CHD1L: variants seen among roughly 807,000 people sequenced by gnomAD.
CHD1L encodes the protein ATP-dependent chromatin remodeler CHD1L.
CHD1L carries 118 observed loss-of-function variants against 115.9 expected under a neutral mutation model. The observed-to-expected ratio is 1.02, with a 90% CI of 0.88 to 1.19. The LOEUF (loss-of-function observed/expected upper bound fraction) is 1.19. CHD1L is among the 50% of genes most tolerant of loss of function. CHD1L has a pLI of 0.00. For synonymous variants in CHD1L, 411 were observed against 387.1 expected, an observed-to-expected ratio of 1.06 and a Z score of -0.72; for missense variants, 1,179 against 1,065.3, an observed-to-expected ratio of 1.11 and a Z score of -1.49.
At chr1:147,284,921 A>T (rs2102900429) in intron 16 of CHD1L, among the ~76,000 whole-genome samples, 1 of 152,370 alleles carries the variant, frequency 6.6e-6, no homozygotes, top group African/African-American at 2.4e-5. Flanking sequence ...GATAATCATG[A>T]TGTTGAAATA....
the CHD1L span, among the ~76,000 whole-genome samples, chr1:147,233,617 C>T: frequency 6.6e-6 from 1 of 152,166 alleles, no homozygotes; most frequent in Non-Finnish European, 1.5e-5. Flanking sequence ...TCATTGAGAA[C>T]AGGCCATGAT....
At chr1:147,242,989 C>T (rs1019377045) in intron 1 of CHD1L, 159 bp downstream of exon 1, 5 of 926,542 alleles carry the variant, frequency 5.4e-6, no homozygotes, top group East Asian at 6.8e-5. Context: ...AAACTGCGCC[C>T]GGGCTTGGTG....
the CHD1L span, among the ~76,000 whole-genome samples, chr1:147,219,467 T>C: frequency 6.6e-6 from 1 of 152,128 alleles, no homozygotes. Context: ...AAACTAGGAA[T>C]GGAGAGAAAC....
the CHD1L span, among the ~76,000 whole-genome samples, chr1:147,188,637 A>G: frequency 2.0e-5 from 3 of 151,796 alleles, no homozygotes; most frequent in African/African-American, 7.3e-5. Flanking sequence ...AACAATGTAT[A>G]CACATAGTCG....
At position 147,276,266 on chromosome 1, in the gene CHD1L, T is replaced by C. The variant is rs782430324; in HGVS notation, c.1539+9T>C. The C allele has an allele frequency of 2.5e-6, 4 of 1,613,962 alleles. No individual in the cohort carries two copies. The highest frequency in any genetic ancestry group is 2.2e-5 in the East Asian group (1 of 44,876). On this transcript the variant is annotated intron_variant, in intron 14 of 22. Coordinates refer to ENST00000369258, the MANE Select transcript of CHD1L (RefSeq NM_004284.6). The stretch of plus-strand genomic sequence containing the variant: ...CCGATGCTGACCTCCAGGTATGATA[T>C]GATATACTGTTCTTCACTTTGGAAT...
At chr1:147,186,767 G>T in the CHD1L span, 1 of 1,460,670 alleles carries the variant, frequency 6.8e-7, no homozygotes, top group East Asian at 2.4e-5. Context: ...AAAGGAAAGT[G>T]AATTAATGCT....
chr1:147,285,215 T>A, intron 16 of CHD1L, 109 bp from the exon 17 acceptor site: 1 of 1,230,064 alleles, frequency 8.1e-7, no homozygotes, highest in Non-Finnish European at 1.1e-6. Context: ...GGAGATGCAG[T>A]GTTCTGTGGA....
chr1:147,189,051 A>G, the CHD1L span, among the ~76,000 whole-genome samples: 104 of 152,010 alleles, frequency 6.8e-4, 2 homozygotes, highest in African/African-American at 2.3e-3. Flanking sequence ...TGAGGCGGGC[A>G]GATCACAAGG....
At chr1:147,265,897 G>T (rs1553947777) in intron 7 of CHD1L, 35 bp from the exon 8 acceptor site, 1 of 1,584,850 alleles carries the variant, frequency 6.3e-7, no homozygotes. Context: ...TTCTACTTTT[G>T]TCCCACACTT....
In CHD1L at chr1:147,268,815, A is replaced by G. The variant is rs781839697; in HGVS notation, c.1022A>G (p.His341Arg). Reference sequence around the variant, plus strand: ...CCGGAGCCTTTTGAAGTTGGAGACCACCTGACTGAGGCTAGTGGGAAGCTT... The same window carrying G: ...CCGGAGCCTTTTGAAGTTGGAGACCGCCTGACTGAGGCTAGTGGGAAGCTT... The part of the protein sequence containing the change: ...VEPEPFEVGD[H>R]LTEASGKLHL... Residue 341 changes from histidine to arginine, a missense_variant, in exon 10 of 23, where the codon CAC becomes CGC. Coordinates refer to ENST00000369258, the MANE Select transcript of CHD1L (RefSeq NM_004284.6). 1 of 1,613,618 alleles carries G rather than the reference A, an allele frequency of 6.2e-7. No individual in the cohort carries two copies. The highest frequency in any genetic ancestry group is 8.5e-7 in the Non-Finnish European group (1 of 1,179,700).
intron 11 of CHD1L, 97 bp from the exon 12 acceptor site, chr1:147,272,074 G>C: frequency 1.1e-6 from 1 of 913,080 alleles, no homozygotes; most frequent in Non-Finnish European, 1.7e-6. Flanking sequence ...TATATGGAAA[G>C]GGACAAAATT....
chr1:147,273,745 C>A (rs901794896), intron 12 of CHD1L, among the ~76,000 whole-genome samples: 1 of 152,242 alleles, frequency 6.6e-6, no homozygotes, highest in Admixed American at 6.5e-5. Context: ...CCTTGGAGGA[C>A]TCAGAGTAGA....
At chr1:147,203,132 TAACAATATG>T in the CHD1L span, 8 of 439,384 alleles carry the variant, frequency 1.8e-5, no homozygotes, top group South Asian at 4.0e-5. Context: ...TTTTTGACAG[TAACAATATG>T]TTTATTATAA....
At chr1:147,273,447 C>G (rs901156788) in intron 12 of CHD1L, among the ~76,000 whole-genome samples, 1 of 151,768 alleles carries the variant, frequency 6.6e-6, no homozygotes, top group South Asian at 2.1e-4. Context: ...ATTATTTCAC[C>G]TGTGTTTGTT....
intron 16 of CHD1L, 107 bp from the exon 17 acceptor site, chr1:147,285,217 T>C: frequency 7.9e-7 from 1 of 1,271,364 alleles, no homozygotes; most frequent in Non-Finnish European, 1.1e-6. Flanking sequence ...AGATGCAGTG[T>C]TCTGTGGAAT....
the CHD1L span, among the ~76,000 whole-genome samples, chr1:147,231,932 A>C: frequency 6.6e-6 from 1 of 152,128 alleles, no homozygotes; most frequent in Non-Finnish European, 1.5e-5. Flanking sequence ...CACTGCACCC[A>C]CTGTCCTGCA....
chr1:147,204,959 T>G, the CHD1L span: 1 of 1,406,720 alleles, frequency 7.1e-7, no homozygotes, highest in South Asian at 1.2e-5. Flanking sequence ...GCCGTTCACG[T>G]GACCGCTCAG....
At chr1:147,220,641 T>G in the CHD1L span, among the ~76,000 whole-genome samples, 3 of 152,200 alleles carry the variant, frequency 2.0e-5, no homozygotes, top group African/African-American at 7.2e-5. Flanking sequence ...ATAGTGATAT[T>G]ATCTAGGGTT....
chr1:147,208,122 C>G, the CHD1L span, among the ~76,000 whole-genome samples: 4 of 152,016 alleles, frequency 2.6e-5, no homozygotes, highest in Non-Finnish European at 5.9e-5. Flanking sequence ...CTGTGCTTAT[C>G]TTATAGAAAG....
Sources: gnomAD v4.1 joint callset for allele counts (sites outside exome capture counted in the v4.1 genomes callset) on GRCh38, gnomAD v4.1.1 for gene constraint, MANE v1.5 for transcripts, NCBI Gene and HGNC (gene_info 2026-07-23, HGNC 2026-07-21) for gene names.